Variants in PTPRD observed in about 807,000 individuals in gnomAD.
PTPRD encodes the protein protein tyrosine phosphatase receptor type D, also known as receptor-type tyrosine-protein phosphatase delta.
Under a neutral mutation model 214.5 loss-of-function variants are expected in PTPRD, and 34 were observed. That is an observed-to-expected ratio of 0.16 (90% CI 0.12 to 0.21). The LOEUF (loss-of-function observed/expected upper bound fraction) is 0.21, where lower values mean the gene tolerates loss of function less well. PTPRD is among the 10% of genes least tolerant of loss of function. The pLI is 1.00. For synonymous variants in PTPRD, 1,128 were observed against 845.7 expected, an observed-to-expected ratio of 1.33 and a Z score of -5.79; for missense variants, 2,545 against 2,398.7, an observed-to-expected ratio of 1.06 and a Z score of -1.27.
At chr9:9,577,217 T>C (rs2089178292) in intron 7 of PTPRD, among the ~76,000 whole-genome samples, 1 of 152,200 alleles carries the variant, frequency 6.6e-6, no homozygotes, top group Admixed American at 6.6e-5. Context: ...CCAACTTTAA[T>C]TTACCATTTT....
chr9:9,424,035 T>C (rs1456812897), intron 8 of PTPRD, among the ~76,000 whole-genome samples: 2 of 152,162 alleles, frequency 1.3e-5, no homozygotes, highest in Non-Finnish European at 2.9e-5. Flanking sequence ...TCTAGGAATT[T>C]TCCTTAGCCA....
chr9:8,517,432 C>T (rs1190608763), intron 21 of PTPRD, among the ~76,000 whole-genome samples: 3 of 152,184 alleles, frequency 2.0e-5, no homozygotes, highest in Non-Finnish European at 4.4e-5. Context: ...TTTAAATACC[C>T]AAGGCCCTGT....
intron 2 of PTPRD, among the ~76,000 whole-genome samples, chr9:10,374,449 C>T (rs1309986721): frequency 6.6e-6 from 1 of 152,016 alleles, no homozygotes; most frequent in African/African-American, 2.4e-5. Context: ...TGCAAAAAGA[C>T]AAGCACTCTG....
chr9:9,091,299 T>C (rs2099775431), intron 10 of PTPRD: 1 of 1,069,964 alleles, frequency 9.3e-7, no homozygotes, highest in South Asian at 1.3e-5. Context: ...AAAAATAAAA[T>C]GGAAATTGTA....
chr9:9,206,026 C>T (rs2099944670), intron 9 of PTPRD, among the ~76,000 whole-genome samples: 1 of 152,074 alleles, frequency 6.6e-6, no homozygotes, highest in South Asian at 2.1e-4. Context: ...GTTGTCATTA[C>T]AAGCACAGAG....
At chr9:10,548,475 G>A (rs2060618240) in intron 2 of PTPRD, among the ~76,000 whole-genome samples, 1 of 152,100 alleles carries the variant, frequency 6.6e-6, no homozygotes. Flanking sequence ...GGGAACCCAA[G>A]GGGCTCAGCC....
At chr9:10,153,519 A>G (rs1308246943) in intron 3 of PTPRD, among the ~76,000 whole-genome samples, 93 of 150,872 alleles carry the variant, frequency 6.2e-4, no homozygotes, top group Admixed American at 6.0e-3. Context: ...TTATATATAT[A>G]TATGTTGCTA....
chr9:9,881,747 G>C (rs1311478438), intron 5 of PTPRD, among the ~76,000 whole-genome samples: 1 of 152,158 alleles, frequency 6.6e-6, no homozygotes, highest in African/African-American at 2.4e-5. Flanking sequence ...GGGTTCTGCA[G>C]CTGGATTTTC....
intron 11 of PTPRD, among the ~76,000 whole-genome samples, chr9:8,787,681 G>A (rs2096047629): frequency 6.6e-6 from 1 of 152,114 alleles, no homozygotes; most frequent in South Asian, 2.1e-4. Context: ...GAGATGACAG[G>A]AGGGGAAGGA....
chr9:9,640,048 G>C (rs569430653), intron 7 of PTPRD, among the ~76,000 whole-genome samples: 6 of 152,112 alleles, frequency 3.9e-5, no homozygotes, highest in African/African-American at 1.2e-4. Context: ...CTCTTTCCTT[G>C]GTAACTGAAC....
intron 11 of PTPRD, among the ~76,000 whole-genome samples, chr9:8,892,115 T>G (rs1250379597): frequency 6.6e-6 from 1 of 152,214 alleles, no homozygotes; most frequent in Non-Finnish European, 1.5e-5. Context: ...GGGCTTCTTC[T>G]GATCCTCTGC....
Position 10,131,086 on chromosome 9 carries a change from C to T in PTPRD, c.-544-97296G>A, listed in dbSNP as rs116009925. On this transcript the variant is annotated intron_variant, in intron 3 of 45. Coordinates refer to ENST00000381196, the MANE Select transcript of PTPRD (RefSeq NM_002839.4). ...CAAAAAGAATTGCATTTGTTGGAGG[C>T]TGGGCTGCAGAGGAGGTCACAGAAA... 2.6e-3 allele frequency among the ~76,000 whole-genome samples: 393 copies of T among 152,212 alleles called. 1 individual carries two copies. Among genetic ancestry groups the T allele is most frequent in the African/African-American group, 9.3e-3 (386 of 41,540 alleles).
At chr9:9,520,884 C>T (rs1374057152) in intron 8 of PTPRD, among the ~76,000 whole-genome samples, 1 of 152,090 alleles carries the variant, frequency 6.6e-6, no homozygotes, top group African/African-American at 2.4e-5. Flanking sequence ...CCTGAAGAAG[C>T]AAATCTTTAA....
intron 9 of PTPRD, among the ~76,000 whole-genome samples, chr9:9,301,119 TTTA>T (rs1955129619): frequency 6.6e-6 from 1 of 151,856 alleles, no homozygotes; most frequent in South Asian, 2.1e-4. Flanking sequence ...TAATTAACCT[TTTA>T]TTATTCATAA....
At chr9:9,708,450 C>G (rs761746106) in intron 7 of PTPRD, among the ~76,000 whole-genome samples, 1 of 152,024 alleles carries the variant, frequency 6.6e-6, no homozygotes. Context: ...GGACTTCTGA[C>G]TGGATTCACA....
At chr9:9,689,477 T>C (rs2097224974) in intron 7 of PTPRD, among the ~76,000 whole-genome samples, 1 of 151,946 alleles carries the variant, frequency 6.6e-6, no homozygotes, top group African/African-American at 2.4e-5. Flanking sequence ...ATTTATCTTT[T>C]ATTTATGTTG....
rs187888386 is a variant in PTPRD, at chr9:9,739,480, T to C, written c.-325-4909A>G. 7.9e-5 allele frequency among the ~76,000 whole-genome samples: 12 copies of C among 152,328 alleles called. No homozygotes were observed. In the East Asian group the frequency reaches 1.9e-3, roughly 24 times the overall value. On this transcript the variant is annotated intron_variant, in intron 6 of 45. Transcript: ENST00000381196. Reference sequence around the variant, plus strand: ...TCTAGAAATTTTATTCAAAATTCTATGTTTTTAGAAAAGTAATTTCTAACA... The same window carrying C: ...TCTAGAAATTTTATTCAAAATTCTACGTTTTTAGAAAAGTAATTTCTAACA...
intron 4 of PTPRD, among the ~76,000 whole-genome samples, chr9:10,032,557 A>G (rs1336545049): frequency 1.3e-5 from 2 of 152,192 alleles, no homozygotes; most frequent in East Asian, 3.8e-4. Context: ...CTCCTGATAT[A>G]GTGAATTTTT....
intron 13 of PTPRD, among the ~76,000 whole-genome samples, chr9:8,634,018 G>C (rs1227341728): frequency 6.6e-6 from 1 of 151,768 alleles, no homozygotes; most frequent in Non-Finnish European, 1.5e-5. Flanking sequence ...AAGCCTGATG[G>C]TGTGCATTAA....
Sources: gnomAD v4.1 joint callset for allele counts (sites outside exome capture counted in the v4.1 genomes callset) on GRCh38, gnomAD v4.1.1 for gene constraint, MANE v1.5 for transcripts, NCBI Gene and HGNC (gene_info 2026-07-23, HGNC 2026-07-21) for gene names.